The following MICAL2 variants were observed in gnomAD, a reference collection of about 807,000 sequenced individuals.
MICAL2 encodes [F-actin]-monooxygenase MICAL2.
In MICAL2, 77 loss-of-function variants were observed where a neutral mutation model predicts 127.3. The ratio of observed to expected loss-of-function variants is 0.60; its 90% confidence interval spans 0.50 to 0.73. The LOEUF (loss-of-function observed/expected upper bound fraction) is 0.73. Ranked by LOEUF, MICAL2 falls within the 30% of genes least tolerant of loss-of-function variation. The pLI, the probability that MICAL2 is intolerant of heterozygous loss-of-function variation, is 0.00. For missense variants in MICAL2, 1,351 were observed against 1,434.4 expected (o/e 0.94, Z 0.94); for synonymous variants, 570 against 551.1 (o/e 1.03, Z -0.48).
chr11:12,221,869 T>A, intron 10 of MICAL2, 110 bp downstream of exon 10: 1 of 749,492 alleles, frequency 1.3e-6, no homozygotes, highest in Non-Finnish European at 2.2e-6. Context: ...CTCTGCCTCC[T>A]CCATTCTACC....
In MICAL2 at chr11:12,262,505, C is replaced by CCCT; in HGVS notation, c.3362_3363insTCC (p.Pro1121dup). On this transcript the variant is annotated inframe_insertion, in exon 27 of 28. Transcript: ENST00000683283. ...TTCATTTCAGCCTTCCAGTGCTACA[C>CCCT]CCACTTCTTGGCTGACACACTTCTG... 1 of 1,613,860 alleles carries CCCT rather than the reference C, an allele frequency of 6.2e-7. No homozygotes were observed. The highest frequency in any genetic ancestry group is 8.5e-7 in the Non-Finnish European group (1 of 1,179,854).
At chr11:12,169,158 A>G (rs544802680) in intron 3 of MICAL2, among the ~76,000 whole-genome samples, 82 of 151,646 alleles carry the variant, frequency 5.4e-4, no homozygotes, top group Non-Finnish European at 1.0e-3. Context: ...AAATCTCTGC[A>G]TGTTTGTGGA....
intron 5 of MICAL2, 116 bp downstream of exon 5, chr11:12,208,255 A>G: frequency 1.3e-6 from 1 of 781,364 alleles, no homozygotes; most frequent in Non-Finnish European, 2.1e-6. Flanking sequence ...GCTGGTTGGC[A>G]TAATGCCACT....
At chr11:12,172,894 T>G (rs925650258) in intron 3 of MICAL2, among the ~76,000 whole-genome samples, 3 of 152,182 alleles carry the variant, frequency 2.0e-5, no homozygotes, top group African/African-American at 7.2e-5. Context: ...GCTGTCTCCT[T>G]AGGATGGTCA....
upstream of MICAL2, among the ~76,000 whole-genome samples, chr11:12,273,677 T>C (rs1392827209): frequency 6.6e-6 from 1 of 151,678 alleles, no homozygotes; most frequent in Non-Finnish European, 1.5e-5. Context: ...AGAGAACACA[T>C]GGGTAAAAAG....
chr11:12,185,639 G>C (rs867913180), intron 3 of MICAL2, among the ~76,000 whole-genome samples: 5 of 152,166 alleles, frequency 3.3e-5, no homozygotes, highest in Admixed American at 1.3e-4. Context: ...CTAAAGGGGA[G>C]GAGAATTTCA....
At position 12,204,372 on chromosome 11, in the gene MICAL2, C is replaced by A. The variant is rs1419213737; in HGVS notation, c.387C>A (p.Leu129=). Residue 129 remains leucine (L), a synonymous_variant, in exon 4 of 28, where the codon CTC becomes CTA. Coordinates refer to ENST00000683283, the MANE Select transcript of MICAL2 (RefSeq NM_001282663.2). ...DSFSRNNVLH[L]WPFTIHDLRG... Reference sequence around the variant, plus strand: ...TCTCCCGGAACAACGTGCTACACCTCTGGCCTTTCACCATCCATGACCTTC... The same window carrying A: ...TCTCCCGGAACAACGTGCTACACCTATGGCCTTTCACCATCCATGACCTTC... 2 of 1,612,494 alleles carry A rather than the reference C, an allele frequency of 1.2e-6. No individual in the cohort carries two copies. Among genetic ancestry groups the A allele is most frequent in the Admixed American group, 3.3e-5 (2 of 59,758 alleles).
At chr11:12,242,489 C>A in intron 19 of MICAL2, 57 bp downstream of exon 19, 1 of 1,542,136 alleles carries the variant, frequency 6.5e-7, no homozygotes, top group Non-Finnish European at 8.8e-7. Context: ...TCCTTTCTTC[C>A]CCTCCCTCCT....
At chr11:12,244,830 G>A (rs1353412819) in intron 21 of MICAL2, among the ~76,000 whole-genome samples, 1 of 152,196 alleles carries the variant, frequency 6.6e-6, no homozygotes, top group African/African-American at 2.4e-5. Flanking sequence ...TGGGGGCATG[G>A]AGAGTGGAAG....
downstream of MICAL2, chr11:12,292,287 C>T (rs1300450376): frequency 6.2e-7 from 1 of 1,614,042 alleles, no homozygotes; most frequent in African/African-American, 1.3e-5. Flanking sequence ...GATGGTTCCT[C>T]CCCGCCTCAG....
At chr11:12,346,472 C>T (rs1460432208) in intron 32 of MICAL2, among the ~76,000 whole-genome samples, 1 of 152,180 alleles carries the variant, frequency 6.6e-6, no homozygotes, top group Non-Finnish European at 1.5e-5. Context: ...AGTGTACATT[C>T]TTAACTTCTA....
At chr11:12,203,910 A>G (rs10430876) in intron 3 of MICAL2, among the ~76,000 whole-genome samples, 32,563 of 152,144 alleles carry the variant, frequency 0.21, 6,789 homozygotes, top group African/African-American at 0.52. Context: ...AGAGTAGTAG[A>G]CCCACACAGA....
At chr11:12,226,729 T>A (rs1207319194) in intron 14 of MICAL2, among the ~76,000 whole-genome samples, 1 of 147,384 alleles carries the variant, frequency 6.8e-6, no homozygotes. Flanking sequence ...CTCGGCTCAC[T>A]GCAAGCTCTG....
At chr11:12,247,183 T>C in intron 21 of MICAL2, among the ~76,000 whole-genome samples, 1 of 152,118 alleles carries the variant, frequency 6.6e-6, no homozygotes, top group East Asian at 1.9e-4. Flanking sequence ...GGAGGCCTTG[T>C]CAGAGGCCCA....
chr11:12,240,940 C>G, intron 17 of MICAL2, 100 bp from the exon 18 acceptor site: 1 of 1,468,536 alleles, frequency 6.8e-7, no homozygotes, highest in Non-Finnish European at 9.3e-7. Context: ...CTTCGTCTCC[C>G]TGCTCCTCTT....
intron 22 of MICAL2, chr11:12,250,349 C>T (rs1475116158): frequency 6.6e-6 from 1 of 152,212 alleles, no homozygotes; most frequent in Non-Finnish European, 1.5e-5. Context: ...ATAAGCACAT[C>T]ACAGAGAATG....
intron 15 of MICAL2, 53 bp from the exon 16 acceptor site, chr11:12,236,124 A>G: frequency 6.7e-7 from 1 of 1,493,616 alleles, no homozygotes; most frequent in Admixed American, 1.7e-5. Context: ...TCTTAGTGGG[A>G]CTGAAGCCCT....
chr11:12,243,799 G>A (rs999315973), intron 20 of MICAL2, among the ~76,000 whole-genome samples, 188 bp from the exon 21 acceptor site: 3 of 152,214 alleles, frequency 2.0e-5, no homozygotes, highest in Non-Finnish European at 2.9e-5. Context: ...GCAGCAGAAT[G>A]CAGTGTAACC....
intron 27 of MICAL2, chr11:12,263,275 C>T (rs537352911): frequency 1.3e-5 from 2 of 152,344 alleles, no homozygotes; most frequent in African/African-American, 2.4e-5. Flanking sequence ...CAGCCCCAGG[C>T]CCCTGTGACT....
Sources: gnomAD v4.1 joint callset for allele counts (sites outside exome capture counted in the v4.1 genomes callset) on GRCh38, gnomAD v4.1.1 for gene constraint, MANE v1.5 for transcripts, NCBI Gene and HGNC (gene_info 2026-07-23, HGNC 2026-07-21) for gene names.